Variants in NIPAL3 observed in about 807,000 individuals in gnomAD.
NIPAL3 encodes NIPA like domain containing 3, also known as NIPA-like protein 3.
A neutral mutation model predicts 47.2 loss-of-function variants in NIPAL3; 41 were observed. The observed-to-expected ratio is 0.87, with a 90% CI of 0.68 to 1.13. The LOEUF (loss-of-function observed/expected upper bound fraction) is 1.13, where lower values mean the gene tolerates loss of function less well. Ranked by LOEUF, NIPAL3 falls within the 50% of genes most tolerant of loss-of-function variation. NIPAL3 has a pLI of 0.00. For synonymous variants in NIPAL3, 194 were observed against 209.6 expected (o/e 0.93, Z 0.64); for missense variants, 449 against 530.1 (o/e 0.85, Z 1.50).
At chr1:24,434,372 G>A (rs1331901978) in intron 2 of NIPAL3, among the ~76,000 whole-genome samples, 2 of 152,240 alleles carry the variant, frequency 1.3e-5, no homozygotes, top group Non-Finnish European at 2.9e-5. Context: ...TTATGATGAA[G>A]GGGTAAATTC....
At chr1:24,457,469 A>G (rs1646266722) in intron 8 of NIPAL3, among the ~76,000 whole-genome samples, 1 of 152,200 alleles carries the variant, frequency 6.6e-6, no homozygotes, top group Non-Finnish European at 1.5e-5. Flanking sequence ...CTGAAGGTCC[A>G]CCAGCTACAT....
chr1:24,421,148 G>T (rs559056868), intron 2 of NIPAL3, among the ~76,000 whole-genome samples: 1 of 151,908 alleles, frequency 6.6e-6, no homozygotes, highest in Non-Finnish European at 1.5e-5. Flanking sequence ...ATGAAACCCT[G>T]TCTCTACCAA....
chr1:24,426,317 TAC>T (rs1294995695), intron 2 of NIPAL3, among the ~76,000 whole-genome samples: 1 of 151,302 alleles, frequency 6.6e-6, no homozygotes, highest in African/African-American at 2.4e-5. Context: ...TCCTTTGAGA[TAC>T]AGTTTCAGTC....
chr1:24,446,608 AT>A (rs966135986), intron 5 of NIPAL3, among the ~76,000 whole-genome samples: 13 of 151,930 alleles, frequency 8.6e-5, no homozygotes, highest in African/African-American at 2.9e-4. Context: ...ATATGATATC[AT>A]TTTTTTTGGC....
At chr1:24,448,419 T>C (rs151184840) in intron 5 of NIPAL3, among the ~76,000 whole-genome samples, 2 of 152,298 alleles carry the variant, frequency 1.3e-5, no homozygotes, top group East Asian at 3.9e-4. Context: ...TGGCGTAGAA[T>C]ATTGATAGTA....
Position 24,442,063 on chromosome 1 carries a change from C to T in NIPAL3, c.171C>T (p.Cys57=), listed in dbSNP as rs749672579. The T allele has an allele frequency of 1.2e-6, 2 of 1,613,742 alleles. No homozygotes were observed. Among genetic ancestry groups the T allele is most frequent in the South Asian group, 2.2e-5 (2 of 91,026 alleles). ...ATTTCTCGGGTTTCTAGAAGTACTGCCACATCCGCCTGGCAGGCTCCAAGG... is the reference window on the plus strand; with the variant it reads ...ATTTCTCGGGTTTCTAGAAGTACTGTCACATCCGCCTGGCAGGCTCCAAGG... The part of the protein sequence containing the change: ...VSIALNLQKY[C]HIRLAGSKDP... The change falls in exon 4 of 12, where the codon TGC becomes TGT. Residue 57 remains cysteine, a synonymous_variant. Transcript: ENST00000374399.
chr1:24,466,246 G>C, intron 11 of NIPAL3: 1 of 632,258 alleles, frequency 1.6e-6, no homozygotes, highest in South Asian at 2.1e-5. Flanking sequence ...CCACTCTGCA[G>C]CTGTGATGGA....
At chr1:24,415,547 G>A (rs1570139630), upstream of NIPAL3, 1 of 152,332 alleles carries the variant, frequency 6.6e-6, no homozygotes, top group Admixed American at 6.5e-5. Flanking sequence ...GGGCAGGGGA[G>A]TCGCCGCACC....
Position 24,454,260 on chromosome 1 carries a change from A to G in NIPAL3, c.637+756A>G. 8.6e-7 allele frequency: 1 copy of G among 1,167,716 alleles called. No homozygotes were observed. The highest frequency in any genetic ancestry group is 1.1e-6 in the Non-Finnish European group (1 of 933,810). The allele number at this position is 1,167,716 out of a possible 1,614,324, so 72.3% of individuals were successfully genotyped here. On this transcript the variant is annotated intron_variant, in intron 7 of 11. Transcript: ENST00000374399. This position sits in a 1 kb window ranked among gnomAD's most constrained non-coding sequence, Gnocchi z 4.1. ...CCATCCTTCCTGAGGAGAAGCAGAC[A>G]GAGGCGGAGGAGCAGGCTGGTGTCA...
At chr1:24,414,521 G>A (rs1235010452), upstream of NIPAL3, 3 of 140,662 alleles carry the variant, frequency 2.1e-5, no homozygotes, top group Non-Finnish European at 4.6e-5. Flanking sequence ...AATTTAGGGT[G>A]AAATCCAAGC....
chr1:24,440,356 C>A, intron 3 of NIPAL3, 116 bp downstream of exon 3: 5 of 694,178 alleles, frequency 7.2e-6, no homozygotes, highest in African/African-American at 1.8e-5. Context: ...CATCCCTGGG[C>A]TGCACCTGGG....
chr1:24,450,427 G>A (rs1323605635), intron 6 of NIPAL3, among the ~76,000 whole-genome samples: 2 of 151,990 alleles, frequency 1.3e-5, no homozygotes, highest in Non-Finnish European at 2.9e-5. Flanking sequence ...CAGGAGACAC[G>A]GGAAATTTTG....
chr1:24,470,992 A>G lies in NIPAL3; in HGVS notation c.*1807A>G, dbSNP rs1288421160. 1 of 152,252 alleles carries G rather than the reference A, an allele frequency of 6.6e-6. No individual in the cohort carries two copies. Among genetic ancestry groups the G allele is most frequent in the Non-Finnish European group, 1.5e-5 (1 of 68,062 alleles). 9.4% of individuals were successfully genotyped at this position (152,252 alleles called of 1,614,324 possible). A position where few individuals can be genotyped will look rare whatever the true frequency, so the allele number is the denominator to read the frequency against. On this transcript the variant is annotated 3_prime_UTR_variant, in exon 12 of 12. Coordinates refer to ENST00000374399, the MANE Select transcript of NIPAL3 (RefSeq NM_020448.5). The stretch of plus-strand genomic sequence containing the variant: ...TCCAGGCCAGCAGAGGGAGGCACAA[A>G]TACCCAGGAATCTCTGATGGGTGTG...
intron 10 of NIPAL3, among the ~76,000 whole-genome samples, chr1:24,461,270 G>A (rs1470431710): frequency 6.6e-6 from 1 of 152,134 alleles, no homozygotes; most frequent in Non-Finnish European, 1.5e-5. Context: ...GGCTGGGAGA[G>A]GTGGCTCACA....
chr1:24,453,577 C>A, intron 7 of NIPAL3, 73 bp downstream of exon 7: 1 of 1,222,374 alleles, frequency 8.2e-7, no homozygotes. Flanking sequence ...GTTTTGTTTG[C>A]AGAGCTGTAG....
chr1:24,464,155 C>A, intron 11 of NIPAL3, 35 bp downstream of exon 11: 1 of 1,530,912 alleles, frequency 6.5e-7, no homozygotes, highest in Non-Finnish European at 9.0e-7. Context: ...AGCTGAACAT[C>A]CATATAGAAT....
At chr1:24,441,977 G>A in intron 3 of NIPAL3, 78 bp from the exon 4 acceptor site, 1 of 1,449,444 alleles carries the variant, frequency 6.9e-7, no homozygotes, top group Non-Finnish European at 9.5e-7. Flanking sequence ...CAAGTTGGGG[G>A]TGGATTTAGG....
chr1:24,456,239 G>A lies in NIPAL3; in HGVS notation c.739G>A (p.Val247Met), dbSNP rs1470786600. ...LDYPIFYVMFVCMVATAVYQA... is the reference protein window; with the variant it reads ...LDYPIFYVMFMCMVATAVYQA... ...CTACCCCATCTTCTACGTGATGTTC[G>A]TGTGCATGGTGGCAACCGCCGTCTA... The change falls in exon 8 of 12, where the codon GTG becomes ATG. Residue 247 changes from valine to methionine, a missense_variant. Physicochemically the swap from Val to Met is conservative, Grantham distance 21. Transcript: ENST00000374399. 3.1e-6 allele frequency: 5 copies of A among 1,614,090 alleles called. No homozygotes were observed. Among genetic ancestry groups the A allele is most frequent in the South Asian group, 2.2e-5 (2 of 91,088 alleles).
At chr1:24,431,779 C>T (rs1289390314) in intron 2 of NIPAL3, among the ~76,000 whole-genome samples, 1 of 151,998 alleles carries the variant, frequency 6.6e-6, no homozygotes, top group African/African-American at 2.4e-5. Context: ...TCTTTCTCTT[C>T]CTCAAAAGTA....
Sources: gnomAD v4.1 joint callset for allele counts (sites outside exome capture counted in the v4.1 genomes callset) on GRCh38, gnomAD v4.1.1 for gene constraint, Gnocchi (gnomAD v3.1) non-coding constraint, MANE v1.5 for transcripts, NCBI Gene and HGNC (gene_info 2026-07-23, HGNC 2026-07-21) for gene names.